SERP1: variants seen among roughly 807,000 people sequenced by gnomAD.
SERP1 encodes stress associated endoplasmic reticulum protein 1.
In SERP1, 6 loss-of-function variants were observed where a neutral mutation model predicts 8.8. The observed-to-expected ratio is 0.68, with a 90% confidence interval of 0.37 to 1.35. The LOEUF is 1.35. Among genes scored for constraint, SERP1 ranks in the 40% most tolerant of loss-of-function variants. The probability of loss-of-function intolerance (pLI) is 0.02; values close to 1 mark genes in which losing one functional copy is unlikely to be tolerated. For synonymous variants in SERP1, 36 were observed against 28.7 expected, an observed-to-expected ratio of 1.25 and a Z score of -0.81; for missense variants, 52 against 86.2, an observed-to-expected ratio of 0.60 and a Z score of 1.57.
chr3:150,545,220 C>T (rs1722955791), intron 2 of SERP1, among the ~76,000 whole-genome samples: 2 of 152,080 alleles, frequency 1.3e-5, no homozygotes, highest in Non-Finnish European at 2.9e-5. Flanking sequence ...CATTAAAATG[C>T]CAATCAGGTA....
Position 150,544,465 on chromosome 3 carries a change from C to T in SERP1, c.194G>A (p.Gly65Asp). The stretch of plus-strand genomic sequence containing the variant: ...ATCTTAAGGTCAGTCACTTCACATG[C>T]CCATCCTGATACTTTGAATAATCTG... ...IFQIIQSIRM[G>D]M The change falls in exon 3 of 3, where the codon GGC becomes GAC. Residue 65 changes from glycine to aspartate, a missense_variant. Transcript: ENST00000239944. 3.7e-6 allele frequency: 6 copies of T among 1,612,682 alleles called. No homozygotes were observed. Among genetic ancestry groups the T allele is most frequent in the Non-Finnish European group, 5.1e-6 (6 of 1,179,016 alleles).
chr3:150,544,932 T>C (rs1576581509), intron 2 of SERP1, among the ~76,000 whole-genome samples: 1 of 152,220 alleles, frequency 6.6e-6, no homozygotes, highest in East Asian at 1.9e-4. Flanking sequence ...CATCCATTTA[T>C]CAGGAAAGCT....
At chr3:150,545,552 T>C (rs1044240238) in intron 2 of SERP1, 151 bp downstream of exon 2, 2 of 729,250 alleles carry the variant, frequency 2.7e-6, no homozygotes, top group African/African-American at 3.6e-5. Flanking sequence ...GTGGAACAAG[T>C]AATTTGGTTC....
intron 1 of SERP1, 59 bp from the exon 2 acceptor site, chr3:150,545,837 C>T: frequency 6.6e-7 from 1 of 1,522,534 alleles, no homozygotes; most frequent in Non-Finnish European, 8.9e-7. Flanking sequence ...CCCCAGGCTC[C>T]CACGCCTGCA....
intron 1 of SERP1, 43 bp downstream of exon 1, chr3:150,546,009 G>A (rs1281197505): frequency 1.9e-6 from 3 of 1,609,128 alleles, no homozygotes; most frequent in Admixed American, 3.3e-5. Flanking sequence ...CCCGGACTCA[G>A]CTCCGGCTGC....
intron 1 of SERP1, 135 bp from the exon 2 acceptor site, chr3:150,545,913 G>C: frequency 7.3e-7 from 1 of 1,360,608 alleles, no homozygotes; most frequent in Non-Finnish European, 1.0e-6. Flanking sequence ...ACAGTCTGGC[G>C]GTTCGCAGAC....
At chr3:150,545,912 C>T in intron 1 of SERP1, 134 bp from the exon 2 acceptor site, 2 of 1,355,110 alleles carry the variant, frequency 1.5e-6, no homozygotes, top group Admixed American at 2.2e-5. Context: ...CACAGTCTGG[C>T]GGTTCGCAGA....
In SERP1 at chr3:150,545,692, A is replaced by G. The variant is rs1481946808; in HGVS notation, c.160+11T>C. On this transcript the variant is annotated intron_variant, in intron 2 of 2. Coordinates refer to ENST00000239944, the MANE Select transcript of SERP1 (RefSeq NM_014445.4). ...AAGACTCTACCTGATGGGAGCCCCCAAGCCACTTACCAGAACCACAGACAA... is the reference window on the plus strand; with the variant it reads ...AAGACTCTACCTGATGGGAGCCCCCGAGCCACTTACCAGAACCACAGACAA... 16 of 1,601,432 alleles carry G rather than the reference A, an allele frequency of 1.0e-5. No homozygotes were observed. Among genetic ancestry groups the G allele is most frequent in the Non-Finnish European group, 1.4e-5 (16 of 1,172,836 alleles).
At chr3:150,545,671 C>G (rs776191070) in intron 2 of SERP1, 32 bp downstream of exon 2, 27 of 1,582,408 alleles carry the variant, frequency 1.7e-5, no homozygotes, top group Admixed American at 3.6e-5. Flanking sequence ...CAACCCAAGA[C>G]TCTACCTGAT....
chr3:150,546,464 A>G lies in SERP1; in HGVS notation c.-329T>C, dbSNP rs1383159243. The stretch of plus-strand genomic sequence containing the variant: ...TGAAAGAGGAAGGAAACGCAACGCA[A>G]CAACGGGAATGTGCAGCCCGCCGCC... On this transcript the variant is annotated 5_prime_UTR_variant, in exon 1 of 3. Coordinates refer to ENST00000239944, the MANE Select transcript of SERP1 (RefSeq NM_014445.4). 2 of 557,134 alleles carry G rather than the reference A, an allele frequency of 3.6e-6. No homozygotes were observed. Among genetic ancestry groups the G allele is most frequent in the Non-Finnish European group, 6.3e-6 (2 of 316,806 alleles). The allele number at this position is 557,134 out of a possible 1,614,324, so 34.5% of individuals were successfully genotyped here.
rs935135244 is a variant in SERP1 at position 150,543,375 on chromosome 3, A to T, written c.*1083T>A. On this transcript the variant is annotated 3_prime_UTR_variant, in exon 3 of 3. Transcript: ENST00000239944. Reference sequence around the variant, plus strand: ...TCATATAACAAAGGGAAGACTAAAGACTGATCATTATCAGTAAATCCATTC... The same window carrying T: ...TCATATAACAAAGGGAAGACTAAAGTCTGATCATTATCAGTAAATCCATTC... 7.2e-5 allele frequency: 11 copies of T among 152,608 alleles called. No individual in the cohort carries two copies. Among genetic ancestry groups the T allele is most frequent in the African/African-American group, 2.7e-4 (11 of 41,444 alleles). 9.5% of individuals were successfully genotyped at this position (152,608 alleles called of 1,614,324 possible).
chr3:150,545,859 G>A (rs1180307091), intron 1 of SERP1, 81 bp from the exon 2 acceptor site: 2 of 1,450,274 alleles, frequency 1.4e-6, no homozygotes, highest in South Asian at 1.3e-5. Flanking sequence ...GCCGGTCGCC[G>A]GCCCCCTCAC....
intron 1 of SERP1, 23 bp from the exon 2 acceptor site, chr3:150,545,801 T>A: frequency 1.3e-6 from 2 of 1,592,324 alleles, no homozygotes; most frequent in Non-Finnish European, 1.7e-6. Context: ...AAATCCACCA[T>A]TTCAGATGCA....
chr3:150,545,073 G>A (rs1722950469), intron 2 of SERP1, among the ~76,000 whole-genome samples: 1 of 144,998 alleles, frequency 6.9e-6, no homozygotes, highest in Non-Finnish European at 1.5e-5. Flanking sequence ...ATGAAGAGAG[G>A]AAAGACCTTT....
rs759184006 is a variant in SERP1 at position 150,546,001 on chromosome 3, C to G, written c.84+51G>C. On this transcript the variant is annotated intron_variant, in intron 1 of 2. Transcript: ENST00000239944. ...AAAACGCGACGCGGCCCCAGGGACC[C>G]GGACTCAGCTCCGGCTGCGGAACGC... 1.5e-5 allele frequency: 24 copies of G among 1,606,234 alleles called. No homozygotes were observed. The South Asian group carries it at 1.5e-4, about 10-fold the overall frequency.
rs771645475 is a variant in SERP1, at chr3:150,546,104, T to C, written c.32A>G (p.Asn11Ser). 1.2e-6 allele frequency: 2 copies of C among 1,613,804 alleles called. No individual in the cohort carries two copies. Among genetic ancestry groups the C allele is most frequent in the Admixed American group, 1.7e-5 (1 of 60,032 alleles). MVAKQRIRMA[N>S]EKHSKNITQR... is the part of the protein sequence containing the mutation. ...GGTGATGTTCTTGCTGTGCTTCTCG[T>C]TGGCCATACGGATCCTTTGCTTGGC... The change falls in exon 1 of 3, where the codon AAC (asparagine) becomes AGC (serine). Residue 11 changes from asparagine (N) to serine (S), a missense_variant. By Grantham distance (46) the Asn-to-Ser change is conservative. Coordinates refer to ENST00000239944, the MANE Select transcript of SERP1 (RefSeq NM_014445.4).
intron 2 of SERP1, 82 bp from the exon 3 acceptor site, chr3:150,544,580 G>GT: frequency 8.6e-7 from 1 of 1,157,720 alleles, no homozygotes; most frequent in Non-Finnish European, 1.3e-6. Flanking sequence ...TAAGGTAGCT[G>GT]AAGAATCCAA....
chr3:150,544,825 C>A (rs1000413088), intron 2 of SERP1, among the ~76,000 whole-genome samples: 2 of 152,222 alleles, frequency 1.3e-5, no homozygotes, highest in African/African-American at 4.8e-5. Flanking sequence ...GGTTTATAAG[C>A]ATCCTTTTAA....
chr3:150,545,343 A>T, intron 2 of SERP1: 1 of 376,722 alleles, frequency 2.7e-6, no homozygotes, highest in Non-Finnish European at 4.7e-6. Context: ...TCTAACATCT[A>T]TAGTACATAT....
Sources: gnomAD v4.1 joint callset for allele counts (sites outside exome capture counted in the v4.1 genomes callset) on GRCh38, gnomAD v4.1.1 for gene constraint, MANE v1.5 for transcripts, NCBI Gene and HGNC (gene_info 2026-07-23, HGNC 2026-07-21) for gene names.